Variants in TMEFF2 observed in about 807,000 individuals in gnomAD.
TMEFF2 encodes tomoregulin-2.
Under a neutral mutation model 53.8 loss-of-function variants are expected in TMEFF2, and 28 were observed. The observed-to-expected ratio is 0.52, with a 90% CI of 0.39 to 0.71. The LOEUF is 0.71. Ranked by LOEUF, TMEFF2 falls within the 30% of genes least tolerant of loss-of-function variation. The pLI is 0.00. For synonymous variants in TMEFF2, 162 were observed against 166.3 expected (o/e 0.97, Z 0.20); for missense variants, 353 against 455.2 (o/e 0.78, Z 2.04).
Position 192,059,662 on chromosome 2 carries a change from C to G in TMEFF2, c.440-1887G>C, listed in dbSNP as rs534750180. 2.0e-5 allele frequency among the ~76,000 whole-genome samples: 3 copies of G among 152,270 alleles called. No homozygotes were observed. The South Asian group carries it at 6.2e-4, about 32-fold the overall frequency. ...GTTGAGATCTTTGGTAAGGGATTGA[C>G]TGGAGGTCATCCAGGGATAAATTTT... is the stretch of plus-strand genomic sequence containing the variant. On this transcript the variant is annotated intron_variant, in intron 4 of 9. Coordinates refer to ENST00000272771, the MANE Select transcript of TMEFF2 (RefSeq NM_016192.4).
At chr2:192,048,147 C>T (rs572521469) in intron 5 of TMEFF2, among the ~76,000 whole-genome samples, 5 of 149,196 alleles carry the variant, frequency 3.4e-5, no homozygotes, top group East Asian at 2.1e-4. Context: ...TAGGACAGTA[C>T]GCTCAAACGA....
At chr2:192,088,594 T>G (rs1688718565) in intron 4 of TMEFF2, among the ~76,000 whole-genome samples, 1 of 152,152 alleles carries the variant, frequency 6.6e-6, no homozygotes, top group Non-Finnish European at 1.5e-5. Context: ...AGTGCAAAAT[T>G]GAATCAATTA....
chr2:192,181,422 T>C (rs768228174), intron 3 of TMEFF2, among the ~76,000 whole-genome samples: 20 of 151,788 alleles, frequency 1.3e-4, no homozygotes, highest in Non-Finnish European at 2.5e-4. Flanking sequence ...AATGTGTTGT[T>C]CATCACTCTA....
chr2:191,951,379 TAGG>T (rs1691875693), intron 9 of TMEFF2, among the ~76,000 whole-genome samples: 1 of 151,924 alleles, frequency 6.6e-6, no homozygotes, highest in African/African-American at 2.4e-5. Flanking sequence ...ATGTGGTGTT[TAGG>T]AGGAGGGCAG....
chr2:192,037,704 C>T (rs946168253), intron 5 of TMEFF2, among the ~76,000 whole-genome samples: 1 of 151,754 alleles, frequency 6.6e-6, no homozygotes, highest in African/African-American at 2.4e-5. Context: ...TCTGTTATAG[C>T]ATTTGATATT....
intron 5 of TMEFF2, among the ~76,000 whole-genome samples, chr2:192,003,927 G>GTGT (rs752908819): frequency 2.4e-5 from 3 of 122,618 alleles, no homozygotes; most frequent in Non-Finnish European, 5.2e-5. Context: ...GTGTGTGTGT[G>GTGT]TGGGGGGGGG....
chr2:192,143,261 T>A (rs1320640891), intron 4 of TMEFF2, among the ~76,000 whole-genome samples: 3 of 152,130 alleles, frequency 2.0e-5, no homozygotes, highest in African/African-American at 7.2e-5. Context: ...TCTAATTTAA[T>A]GTTAGCAGCA....
intron 4 of TMEFF2, among the ~76,000 whole-genome samples, chr2:192,105,764 A>G (rs1456123215): frequency 1.3e-5 from 2 of 152,010 alleles, no homozygotes; most frequent in Non-Finnish European, 2.9e-5. Context: ...GATCCAAGTT[A>G]TTATATCCTT....
intron 4 of TMEFF2, among the ~76,000 whole-genome samples, chr2:192,118,393 G>A (rs1021696233): frequency 1.3e-5 from 2 of 152,134 alleles, no homozygotes; most frequent in African/African-American, 4.8e-5. Flanking sequence ...CTCCATAATA[G>A]CTCTAAAAGA....
At chr2:192,016,809 G>C (rs553099176) in intron 5 of TMEFF2, among the ~76,000 whole-genome samples, 1 of 152,188 alleles carries the variant, frequency 6.6e-6, no homozygotes, top group African/African-American at 2.4e-5. Flanking sequence ...TTGCAAAGCA[G>C]AATTTTAGTG....
intron 5 of TMEFF2, among the ~76,000 whole-genome samples, chr2:192,003,205 T>C (rs929229627): frequency 1.3e-5 from 2 of 152,188 alleles, no homozygotes; most frequent in Non-Finnish European, 2.9e-5. Context: ...AAGGTTGCTA[T>C]TCTAAAAGTT....
At chr2:192,092,822 C>A (rs1274665031) in intron 4 of TMEFF2, among the ~76,000 whole-genome samples, 1 of 152,000 alleles carries the variant, frequency 6.6e-6, no homozygotes, top group Non-Finnish European at 1.5e-5. Flanking sequence ...ATGGGGGTGA[C>A]TTCTAGAAGC....
chr2:192,122,848 A>T lies in TMEFF2; in HGVS notation c.439+56820T>A, dbSNP rs568755879. Among the ~76,000 whole-genome samples, 5 of 152,304 alleles carry T rather than the reference A, an allele frequency of 3.3e-5. No individual in the cohort carries two copies. In the South Asian group the frequency reaches 1.0e-3, roughly 32 times the overall value. On this transcript the variant is annotated intron_variant, in intron 4 of 9. Transcript: ENST00000272771. ...GTGATTCAATCATTTATAAATACAGAAAAACATAACAGAATAGCAAAATGT... is the reference window on the plus strand; with the variant it reads ...GTGATTCAATCATTTATAAATACAGTAAAACATAACAGAATAGCAAAATGT...
At position 192,106,623 on chromosome 2, in the gene TMEFF2, A is replaced by C. The variant is rs146630403; in HGVS notation, c.440-48848T>G. ...AATAACATTTTATAATCTATGCTTG[A>C]AAATGTAAAATTCATTCAATTCAAA... On this transcript the variant is annotated intron_variant, in intron 4 of 9. Transcript: ENST00000272771. Among the ~76,000 whole-genome samples, 393 of 151,934 alleles carry C rather than the reference A, an allele frequency of 2.6e-3. 1 individual carries two copies. Among genetic ancestry groups the C allele is most frequent in the South Asian group, 6.0e-3 (29 of 4,832 alleles).
intron 4 of TMEFF2, among the ~76,000 whole-genome samples, chr2:192,168,763 T>A (rs1320064573): frequency 6.6e-6 from 1 of 152,112 alleles, no homozygotes; most frequent in East Asian, 1.9e-4. Context: ...TCAAATAATT[T>A]AAATGGCAGC....
chr2:192,051,103 G>C (rs1687759961), intron 5 of TMEFF2, among the ~76,000 whole-genome samples: 1 of 151,990 alleles, frequency 6.6e-6, no homozygotes, highest in African/African-American at 2.4e-5. Context: ...GGAGATAAGA[G>C]GTAAATGGAG....
intron 4 of TMEFF2, among the ~76,000 whole-genome samples, chr2:192,114,945 C>G (rs1213544879): frequency 6.6e-6 from 1 of 151,850 alleles, no homozygotes; most frequent in Non-Finnish European, 1.5e-5. Context: ...TATATCAAAT[C>G]ATCACACTAT....
intron 7 of TMEFF2, among the ~76,000 whole-genome samples, chr2:191,993,309 C>A (rs1278622362): frequency 1.3e-5 from 2 of 151,842 alleles, no homozygotes; most frequent in Non-Finnish European, 2.9e-5. Context: ...ACATTTCAGA[C>A]CTGAGATTAA....
intron 4 of TMEFF2, among the ~76,000 whole-genome samples, chr2:192,118,566 T>C (rs1689472789): frequency 6.6e-6 from 1 of 152,190 alleles, no homozygotes; most frequent in South Asian, 2.1e-4. Context: ...AGTGAAGAGA[T>C]ACTTGCCGGT....
Sources: gnomAD v4.1 joint callset for allele counts (sites outside exome capture counted in the v4.1 genomes callset) on GRCh38, gnomAD v4.1.1 for gene constraint, MANE v1.5 for transcripts, NCBI Gene and HGNC (gene_info 2026-07-23, HGNC 2026-07-21) for gene names.